SLF2: variants seen among roughly 807,000 people sequenced by gnomAD.
SLF2 encodes the protein SMC5/6 complex localization factor 2.
Under a neutral mutation model 124.3 loss-of-function variants are expected in SLF2, and 68 were observed. That is an observed-to-expected ratio of 0.55 (90% confidence interval 0.45 to 0.67). The LOEUF (loss-of-function observed/expected upper bound fraction) is 0.67. Ranked by LOEUF, SLF2 falls within the 30% of genes least tolerant of loss-of-function variation. The pLI is 0.00. For synonymous variants in SLF2, 480 were observed against 478.8 expected, an observed-to-expected ratio of 1.00 and a Z score of -0.03; for missense variants, 1,246 against 1,373.7, an observed-to-expected ratio of 0.91 and a Z score of 1.47.
intron 11 of SLF2, among the ~76,000 whole-genome samples, chr10:100,942,371 A>G (rs1221884942): frequency 6.6e-6 from 1 of 152,168 alleles, no homozygotes; most frequent in East Asian, 1.9e-4. Context: ...TTTACTTACT[A>G]TTATTGGTTT....
chr10:100,955,097 GC>G (rs1469888176), intron 17 of SLF2, among the ~76,000 whole-genome samples: 1 of 151,796 alleles, frequency 6.6e-6, no homozygotes, highest in Non-Finnish European at 1.5e-5. Context: ...CCGCCACCAC[GC>G]CCGGCTAATT....
In SLF2 at chr10:100,937,299, C is replaced by G. The variant is rs962369086; in HGVS notation, c.2437-103C>G. The G allele has an allele frequency of 5.9e-6, 5 of 849,118 alleles. No homozygotes were observed. The African/African-American group carries it at 6.6e-5, about 11-fold the overall frequency. 52.6% of individuals were successfully genotyped at this position (849,118 alleles called of 1,614,324 possible). On this transcript the variant is annotated intron_variant, in intron 9 of 19. Coordinates refer to ENST00000238961, the MANE Select transcript of SLF2 (RefSeq NM_018121.4). ...GTGCTAGGATTACAGGCATGAACTG[C>G]TGCGCCTGGCCTACATAAAACAACT...
intron 18 of SLF2, among the ~76,000 whole-genome samples, chr10:100,957,616 C>T (rs1850358347): frequency 6.6e-6 from 1 of 151,442 alleles, no homozygotes; most frequent in African/African-American, 2.4e-5. Context: ...GCCTCGGCAT[C>T]CCAAAGAGCT....
intron 10 of SLF2, among the ~76,000 whole-genome samples, chr10:100,937,997 T>C (rs371909450): frequency 6.6e-6 from 1 of 152,164 alleles, no homozygotes; most frequent in East Asian, 1.9e-4. Flanking sequence ...GAATATAAGA[T>C]CTTGCAAGTG....
intron 4 of SLF2, among the ~76,000 whole-genome samples, chr10:100,921,463 T>C (rs1372859408): frequency 6.6e-6 from 1 of 152,250 alleles, no homozygotes; most frequent in Non-Finnish European, 1.5e-5. Context: ...TTTGAAAAAC[T>C]GTAAAACAAA....
rs531756647 is a variant in SLF2, at chr10:100,962,492, T to G, written c.*580T>G. 1 of 152,784 alleles carries G rather than the reference T, an allele frequency of 6.5e-6. No individual in the cohort carries two copies. The highest frequency in any genetic ancestry group is 2.1e-4 in the South Asian group (1 of 4,826). 9.5% of individuals were successfully genotyped at this position (152,784 alleles called of 1,614,324 possible). On this transcript the variant is annotated 3_prime_UTR_variant, in exon 20 of 20. Coordinates refer to ENST00000238961, the MANE Select transcript of SLF2 (RefSeq NM_018121.4). The stretch of plus-strand genomic sequence containing the variant: ...TGCATTTTCCTTCATTACTCAAGAT[T>G]ATAAATCTGTTTTTAAAATACATCT...
chr10:100,919,052 G>A (rs1002735750), intron 4 of SLF2, among the ~76,000 whole-genome samples: 10 of 123,062 alleles, frequency 8.1e-5, no homozygotes, highest in East Asian at 6.0e-4. Context: ...TCGCTCTGTC[G>A]CCCAGGCTGG....
chr10:100,916,772 T>C lies in SLF2; in HGVS notation c.387T>C (p.His129=). 1.9e-6 allele frequency: 3 copies of C among 1,612,992 alleles called. No homozygotes were observed. The highest frequency in any genetic ancestry group is 2.5e-6 in the Non-Finnish European group (3 of 1,179,620). ...AGCACCATGAAGATCATGGTATACA[T>C]GAGTCACGTCGGCCTTGTCTGTCAC... ...VKEHHEDHGI[H]ESRRPCLSLA... The change falls in exon 3 of 20, where the codon CAT becomes CAC. Residue 129 remains histidine, a synonymous_variant. Transcript: ENST00000238961.
Position 100,917,131 on chromosome 10 carries a change from TAA to T in SLF2, c.748_749del (p.Lys250GlufsTer28). ...GCTTCTTACTGCAGAGAACGAGAAC[TAA>T]AGAGGTTGAGAAAGGAGCAAATGGA... On this transcript the variant is annotated frameshift_variant, in exon 3 of 20. Coordinates refer to ENST00000238961, the MANE Select transcript of SLF2 (RefSeq NM_018121.4). LOFTEE classifies it high-confidence loss of function. 1 of 1,613,946 alleles carries T rather than the reference TAA, an allele frequency of 6.2e-7. No individual in the cohort carries two copies. Among genetic ancestry groups the T allele is most frequent in the Non-Finnish European group, 8.5e-7 (1 of 1,180,020 alleles).
chr10:100,928,092 AGAGAGAG>A (rs1849654587), intron 6 of SLF2, among the ~76,000 whole-genome samples: 2 of 135,666 alleles, frequency 1.5e-5, no homozygotes, highest in Non-Finnish European at 3.1e-5. Context: ...AGAGAGAGAG[AGAGAGAG>A]AGAGAAAAGT....
In SLF2 at chr10:100,961,873, T is replaced by A; in HGVS notation, c.3487-4T>A. On this transcript the variant is annotated splice_polypyrimidine_tract_variant and splice_region_variant and intron_variant, in intron 19 of 19. Transcript: ENST00000238961. ...ACCCTCTTTTTTCTCCTTCCCTTTT[T>A]TAGGGGCAGCTTCATGACTTCTGGG... The A allele has an allele frequency of 6.2e-7, 1 of 1,607,064 alleles. No individual in the cohort carries two copies. Among genetic ancestry groups the A allele is most frequent in the Non-Finnish European group, 8.5e-7 (1 of 1,175,074 alleles).
At position 100,961,790 on chromosome 10, in the gene SLF2, T is replaced by C. The variant is rs957730911; in HGVS notation, c.3487-87T>C. 2.2e-5 allele frequency: 25 copies of C among 1,117,116 alleles called. No individual in the cohort carries two copies. The Admixed American group carries it at 4.6e-4, about 20-fold the overall frequency. 69.2% of individuals were successfully genotyped at this position (1,117,116 alleles called of 1,614,324 possible). On this transcript the variant is annotated intron_variant, in intron 19 of 19. Transcript: ENST00000238961. ...TATTACTTGTCTTATCAAAGCCCAT[T>C]GTCTGATGATTAGTAGTTTTATAAG...
intron 6 of SLF2, among the ~76,000 whole-genome samples, chr10:100,926,961 A>G (rs898242147): frequency 1.3e-5 from 2 of 152,052 alleles, no homozygotes; most frequent in South Asian, 2.1e-4. Flanking sequence ...AGACTGGATC[A>G]AAAGATCCAG....
At chr10:100,937,176 A>G (rs1849880022) in intron 9 of SLF2, among the ~76,000 whole-genome samples, 1 of 151,866 alleles carries the variant, frequency 6.6e-6, no homozygotes, top group Non-Finnish European at 1.5e-5. Context: ...ACACCTGGCT[A>G]ATTTTTGTAT....
intron 6 of SLF2, chr10:100,926,366 G>T: frequency 8.2e-7 from 1 of 1,215,338 alleles, no homozygotes; most frequent in Non-Finnish European, 1.1e-6. Context: ...TACTTTAGGA[G>T]GCCAAAGCAG....
In SLF2 at chr10:100,924,279, C is replaced by G; in HGVS notation, c.1278C>G (p.Ile426Met). The change falls in exon 5 of 20, where the codon ATC (isoleucine) becomes ATG (methionine). Residue 426 changes from isoleucine to methionine, a missense_variant. Around this residue, in one of 3 missense-constraint regions of SLF2, gnomAD observed 698 missense variants for 708.9 expected, o/e 0.98. Transcript: ENST00000238961. ...ATTCTACCAGGAATAGTGACCAAAT[C>G]CAAGTGGCAGGTACCAAGGAGACTA... is the stretch of plus-strand genomic sequence containing the variant. ...GHHSTRNSDQ[I>M]QVAGTKETKM... 1 of 1,614,098 alleles carries G rather than the reference C, an allele frequency of 6.2e-7. No individual in the cohort carries two copies. The highest frequency in any genetic ancestry group is 8.5e-7 in the Non-Finnish European group (1 of 1,180,008).
In SLF2 at chr10:100,924,670, C is replaced by T. The variant is rs755616521; in HGVS notation, c.1669C>T (p.Pro557Ser). 1 of 1,614,098 alleles carries T rather than the reference C, an allele frequency of 6.2e-7. No homozygotes were observed. ...ATATGGCACTCCTACAAAGTCTCCC[C>T]CTGCTGCTTTGGAAGTTGTGCCATG... ...SEYGTPTKSP[P>S]AALEVVPCIP... is the part of the protein sequence containing the mutation. The change falls in exon 5 of 20, where the codon CCT becomes TCT. Residue 557 changes from proline to serine, a missense_variant. Pro to Ser is a moderately conservative substitution (Grantham distance 74). Around this residue, in one of 3 missense-constraint regions of SLF2, gnomAD observed 698 missense variants for 708.9 expected, o/e 0.98. Transcript: ENST00000238961.
At chr10:100,923,859 C>T in intron 4 of SLF2, 116 bp from the exon 5 acceptor site, 1 of 774,462 alleles carries the variant, frequency 1.3e-6, no homozygotes, top group Admixed American at 3.7e-5. Context: ...GGTGACTAAT[C>T]TCAGCCTTAA....
chr10:100,929,761 C>G (rs1849691509), intron 7 of SLF2, 69 bp from the exon 8 acceptor site: 6 of 1,233,144 alleles, frequency 4.9e-6, no homozygotes, highest in Non-Finnish European at 6.7e-6. Context: ...TTCTTTGCAC[C>G]CAGCTTTTAA....
Sources: gnomAD v4.1 joint callset for allele counts (sites outside exome capture counted in the v4.1 genomes callset) on GRCh38, gnomAD v4.1.1 for gene constraint, gnomAD v4.1.1 regional missense constraint, MANE v1.5 for transcripts, NCBI Gene and HGNC (gene_info 2026-07-23, HGNC 2026-07-21) for gene names.